ARHGEF10L: variants seen among roughly 807,000 people sequenced by gnomAD.
ARHGEF10L encodes the protein rho guanine nucleotide exchange factor 10-like protein.
Under a neutral mutation model 141.2 loss-of-function variants are expected in ARHGEF10L, and 69 were observed. The observed-to-expected ratio is 0.49, with a 90% CI of 0.40 to 0.60. ARHGEF10L has a LOEUF of 0.60. Ranked by LOEUF, ARHGEF10L falls within the 20% of genes least tolerant of loss-of-function variation. ARHGEF10L has a pLI of 0.00. For missense variants in ARHGEF10L, 1,482 were observed against 1,734.3 expected (o/e 0.85, Z 2.58); for synonymous variants, 711 against 718.5 (o/e 0.99, Z 0.17).
chr1:17,660,538 G>C lies in ARHGEF10L; in HGVS notation c.2860+3830G>C, dbSNP rs145262481. ...ATCATCATCACAGTCGCTATTTACT[G>C]TCACCAGGCAGGGGCTGCCCTTTGG... On this transcript the variant is annotated intron_variant, in intron 25 of 28. Coordinates refer to ENST00000361221, the MANE Select transcript of ARHGEF10L (RefSeq NM_018125.4). Among the ~76,000 whole-genome samples the C allele has an allele frequency of 5.4e-3, 819 of 152,320 alleles. 2 individuals carry two copies. The highest frequency in any genetic ancestry group is 8.9e-3 in the Non-Finnish European group (607 of 68,034).
At chr1:17,578,668 C>A (rs4920617) in intron 1 of ARHGEF10L, among the ~76,000 whole-genome samples, 1 of 151,994 alleles carries the variant, frequency 6.6e-6, no homozygotes, top group Non-Finnish European at 1.5e-5. Context: ...CCTGGGAAAT[C>A]GAGACCAAAG....
Position 17,603,665 on chromosome 1 carries a change from CT to C in ARHGEF10L, c.433+77del. 1 of 1,374,384 alleles carries C rather than the reference CT, an allele frequency of 7.3e-7. No individual in the cohort carries two copies. The allele number at this position is 1,374,384 out of a possible 1,614,324, so 85.1% of individuals were successfully genotyped here. A position where few individuals can be genotyped will look rare whatever the true frequency, so the allele number is the denominator to read the frequency against. Reference sequence around the variant, plus strand: ...AGGCTGGGACTGGGGAGGGTTGTCTCTTTCCGTTTCCTTCTGTCCCCACCTG... The same window carrying C: ...AGGCTGGGACTGGGGAGGGTTGTCTCTTCCGTTTCCTTCTGTCCCCACCTG... On this transcript the variant is annotated intron_variant, in intron 6 of 28. Coordinates refer to ENST00000361221, the MANE Select transcript of ARHGEF10L (RefSeq NM_018125.4). The surrounding 1 kb of genome is among the most constrained non-coding windows in gnomAD (Gnocchi z 4.8).
chr1:17,557,370 AAAAAC>A (rs2077373561), intron 1 of ARHGEF10L, among the ~76,000 whole-genome samples: 1 of 152,042 alleles, frequency 6.6e-6, no homozygotes, highest in African/African-American at 2.4e-5. Context: ...AAAAACCAAA[AAAAAC>A]AAAAAGAAAA....
At chr1:17,587,734 G>A (rs535595445) in intron 3 of ARHGEF10L, 89 bp downstream of exon 3, 2 of 1,412,280 alleles carry the variant, frequency 1.4e-6, no homozygotes, top group South Asian at 2.8e-5. Context: ...GATGCCTGGT[G>A]GCCCCTCCGC....
intron 26 of ARHGEF10L, among the ~76,000 whole-genome samples, chr1:17,666,802 C>T (rs2063008359): frequency 7.0e-6 from 1 of 142,436 alleles, no homozygotes; most frequent in Admixed American, 6.9e-5. Flanking sequence ...CCAAGCCCAC[C>T]CCACCCCCTC....
the ARHGEF10L span, among the ~76,000 whole-genome samples, chr1:17,524,157 C>T: frequency 6.6e-6 from 1 of 152,004 alleles, no homozygotes. Context: ...CCTGTAGTTC[C>T]AGCTACTCAA....
At chr1:17,668,730 C>T (rs1260249801) in intron 26 of ARHGEF10L, among the ~76,000 whole-genome samples, 2 of 152,210 alleles carry the variant, frequency 1.3e-5, no homozygotes, top group Non-Finnish European at 2.9e-5. Context: ...AGTTTCTGTT[C>T]GCTGCGCGGT....
chr1:17,618,518 C>T, intron 9 of ARHGEF10L: 1 of 1,445,664 alleles, frequency 6.9e-7, no homozygotes, highest in Non-Finnish European at 9.1e-7. Flanking sequence ...CTGTCTCCTG[C>T]TCAGGTAAGG....
intron 8 of ARHGEF10L, among the ~76,000 whole-genome samples, chr1:17,614,870 C>T (rs547976710): frequency 3.9e-5 from 6 of 152,284 alleles, no homozygotes; most frequent in African/African-American, 1.2e-4. Context: ...AGCAACCCTT[C>T]CTTGCCCAGA....
intron 1 of ARHGEF10L, among the ~76,000 whole-genome samples, chr1:17,557,564 T>A (rs887831657): frequency 1.3e-5 from 2 of 152,146 alleles, no homozygotes; most frequent in Non-Finnish European, 2.9e-5. Context: ...TTCCTGAGCC[T>A]CATCCTTAGA....
At chr1:17,664,894 C>G (rs1283900794) in intron 26 of ARHGEF10L, among the ~76,000 whole-genome samples, 1 of 152,196 alleles carries the variant, frequency 6.6e-6, no homozygotes, top group Non-Finnish European at 1.5e-5. Context: ...TGTCCTTGGA[C>G]TGGTACCCAG....
intron 26 of ARHGEF10L, among the ~76,000 whole-genome samples, chr1:17,665,708 G>A (rs930151903): frequency 6.6e-6 from 1 of 152,188 alleles, no homozygotes; most frequent in Non-Finnish European, 1.5e-5. Flanking sequence ...TATCAGTCAG[G>A]GTTGTCCAGA....
chr1:17,648,431 G>A (rs2061721759), intron 21 of ARHGEF10L, 123 bp from the exon 22 acceptor site: 2 of 1,259,982 alleles, frequency 1.6e-6, no homozygotes, highest in African/African-American at 1.5e-5. Context: ...AGGGTGGGGA[G>A]TGACTGGATG....
the ARHGEF10L span, among the ~76,000 whole-genome samples, chr1:17,528,576 TCCTC>T: frequency 6.6e-6 from 1 of 151,990 alleles, no homozygotes; most frequent in South Asian, 2.1e-4. Flanking sequence ...CAGCCATCCA[TCCTC>T]CATCCATCCA....
intron 20 of ARHGEF10L, 93 bp from the exon 21 acceptor site, chr1:17,640,109 G>A (rs1227790266): frequency 1.5e-5 from 22 of 1,511,666 alleles, no homozygotes; most frequent in Non-Finnish European, 2.0e-5. Context: ...GATCTCCAGG[G>A]CGCGTGGGTT....
chr1:17,604,846 G>T (rs1252708580), intron 6 of ARHGEF10L: 1 of 152,238 alleles, frequency 6.6e-6, no homozygotes, highest in African/African-American at 2.4e-5. Flanking sequence ...TAACCCATTT[G>T]GCCTATTTCC....
At chr1:17,694,113 T>C (rs925919616) in intron 27 of ARHGEF10L, 13 of 152,326 alleles carry the variant, frequency 8.5e-5, no homozygotes, top group African/African-American at 2.4e-4. Flanking sequence ...TTTTGCCATG[T>C]GCAGGCACGG....
At chr1:17,553,267 C>A (rs1245458232) in intron 1 of ARHGEF10L, among the ~76,000 whole-genome samples, 8 of 152,202 alleles carry the variant, frequency 5.3e-5, no homozygotes, top group Admixed American at 4.6e-4. Context: ...TTGCCCCCTG[C>A]CTTTACCCTA....
intron 1 of ARHGEF10L, among the ~76,000 whole-genome samples, chr1:17,550,086 G>A (rs2077055823): frequency 6.6e-6 from 1 of 152,196 alleles, no homozygotes; most frequent in African/African-American, 2.4e-5. Flanking sequence ...GGCAAGGAAA[G>A]GTTCCCATTT....
Sources: gnomAD v4.1 joint callset for allele counts (sites outside exome capture counted in the v4.1 genomes callset) on GRCh38, gnomAD v4.1.1 for gene constraint, Gnocchi (gnomAD v3.1) non-coding constraint, MANE v1.5 for transcripts, NCBI Gene and HGNC (gene_info 2026-07-23, HGNC 2026-07-21) for gene names.